The following CNOT6L variants were observed in gnomAD, a reference collection of about 807,000 sequenced individuals.
The protein encoded by CNOT6L is CCR4-NOT transcription complex subunit 6-like.
Under a neutral mutation model 64.0 loss-of-function variants are expected in CNOT6L, and 7 were observed. The ratio of observed to expected loss-of-function variants is 0.11; its 90% CI spans 0.06 to 0.21. The LOEUF is 0.21. Ranked by LOEUF, CNOT6L falls within the 10% of genes least tolerant of loss-of-function variation. The probability of loss-of-function intolerance (pLI) is 1.00; values close to 1 mark genes in which losing one functional copy is unlikely to be tolerated. For synonymous variants in CNOT6L, 193 were observed against 243.4 expected (o/e 0.79, Z 1.93); for missense variants, 245 against 669.0 (o/e 0.37, Z 6.99).
At chr4:77,776,535 A>G in intron 1 of CNOT6L, 143 bp from the exon 2 acceptor site, 2 of 613,226 alleles carry the variant, frequency 3.3e-6, no homozygotes, top group Non-Finnish European at 5.5e-6. Flanking sequence ...TTGCAGAAAA[A>G]GAAAACACAC....
intron 4 of CNOT6L, among the ~76,000 whole-genome samples, chr4:77,767,174 T>C (rs1193894095): frequency 6.8e-6 from 1 of 147,660 alleles, no homozygotes; most frequent in Non-Finnish European, 1.5e-5. Context: ...TTGATTGGTG[T>C]AGAAAGCTAT....
chr4:77,787,982 G>A (rs1729642799), intron 1 of CNOT6L, among the ~76,000 whole-genome samples: 1 of 152,160 alleles, frequency 6.6e-6, no homozygotes, highest in Non-Finnish European at 1.5e-5. Context: ...TTTAAAGTTT[G>A]AAAACCCTCA....
At chr4:77,810,133 G>A (rs1440754483) in intron 1 of CNOT6L, among the ~76,000 whole-genome samples, 3 of 152,080 alleles carry the variant, frequency 2.0e-5, no homozygotes, top group East Asian at 3.9e-4. Context: ...CTGTTAACAG[G>A]AATATTCTTA....
intron 10 of CNOT6L, among the ~76,000 whole-genome samples, chr4:77,728,461 T>C (rs1722115151): frequency 6.6e-6 from 1 of 152,174 alleles, no homozygotes; most frequent in Non-Finnish European, 1.5e-5. Flanking sequence ...CTGGCTCCCT[T>C]CTTTTTGGTT....
At chr4:77,730,983 G>A (rs545687933) in intron 9 of CNOT6L, among the ~76,000 whole-genome samples, 65 of 152,006 alleles carry the variant, frequency 4.3e-4, no homozygotes, top group Non-Finnish European at 8.2e-4. Context: ...ATATAACAAA[G>A]AAACTAGAGG....
intron 5 of CNOT6L, among the ~76,000 whole-genome samples, chr4:77,750,150 A>G (rs1187903578): frequency 6.6e-6 from 1 of 152,234 alleles, no homozygotes; most frequent in Non-Finnish European, 1.5e-5. Flanking sequence ...ACTAAAAGTT[A>G]TAGTATAAAA....
At chr4:77,793,508 G>T (rs1163166371) in intron 1 of CNOT6L, among the ~76,000 whole-genome samples, 3 of 152,108 alleles carry the variant, frequency 2.0e-5, no homozygotes, top group African/African-American at 7.2e-5. Flanking sequence ...TGGCACAGTG[G>T]GATTTAACCC....
chr4:77,796,590 ACTT>A (rs1183365336), intron 1 of CNOT6L, among the ~76,000 whole-genome samples: 1 of 151,970 alleles, frequency 6.6e-6, no homozygotes, highest in Non-Finnish European at 1.5e-5. Context: ...AGTCAATTAA[ACTT>A]CTTTTCTTCA....
intron 1 of CNOT6L, among the ~76,000 whole-genome samples, chr4:77,790,418 TA>T (rs1729992286): frequency 6.6e-6 from 1 of 152,236 alleles, no homozygotes; most frequent in Non-Finnish European, 1.5e-5. Flanking sequence ...TTCATTTGGG[TA>T]AATACCAAAA....
At chr4:77,749,731 C>T (rs987156807) in intron 5 of CNOT6L, among the ~76,000 whole-genome samples, 1 of 152,174 alleles carries the variant, frequency 6.6e-6, no homozygotes, top group African/African-American at 2.4e-5. Flanking sequence ...CCCAAGTTCA[C>T]GCAAAATTTT....
chr4:77,740,373 G>A (rs1723447819), intron 8 of CNOT6L, among the ~76,000 whole-genome samples: 1 of 151,938 alleles, frequency 6.6e-6, no homozygotes, highest in Non-Finnish European at 1.5e-5. Flanking sequence ...CTGAGACCCT[G>A]TCTAAAAACA....
chr4:77,798,577 T>G (rs1030272963), intron 1 of CNOT6L, among the ~76,000 whole-genome samples: 4 of 152,188 alleles, frequency 2.6e-5, no homozygotes, highest in Non-Finnish European at 2.9e-5. Flanking sequence ...CTTTGGCCTA[T>G]TAGAATGGCT....
intron 8 of CNOT6L, among the ~76,000 whole-genome samples, chr4:77,736,556 C>T (rs570452418): frequency 7.9e-5 from 12 of 152,188 alleles, no homozygotes; most frequent in Non-Finnish European, 1.6e-4. Context: ...CACAGATTTC[C>T]ATACAGGTAA....
intron 4 of CNOT6L, among the ~76,000 whole-genome samples, chr4:77,766,204 GTGTA>G (rs1726797304): frequency 6.6e-6 from 1 of 152,068 alleles, no homozygotes; most frequent in Non-Finnish European, 1.5e-5. Flanking sequence ...AAAAAAGTGT[GTGTA>G]TGTATATGTA....
rs1287914948 is a variant in CNOT6L at position 77,720,570 on chromosome 4, T to G, written c.1529A>C (p.Gln510Pro). 13 of 1,603,984 alleles carry G rather than the reference T, an allele frequency of 8.1e-6. No homozygotes were observed. The highest frequency in any genetic ancestry group is 1.1e-5 in the Non-Finnish European group (13 of 1,170,612). Residue 510 changes from glutamine to proline, a missense_variant, in exon 12 of 12, where the codon CAA becomes CCA. Gln to Pro is a moderately conservative substitution (Grantham distance 76, BLOSUM62 -1). Transcript: ENST00000504123. ...VLGVLGPLDP[Q>P]WLVENNITGC... The stretch of plus-strand genomic sequence containing the variant: ...AGTGATGTTGTTCTCAACCAGCCAT[T>G]GAGGATCTAAAGGCCCCAGGACACC...
At chr4:77,804,802 G>A (rs1374679351) in intron 1 of CNOT6L, among the ~76,000 whole-genome samples, 1 of 151,754 alleles carries the variant, frequency 6.6e-6, no homozygotes, top group Non-Finnish European at 1.5e-5. Flanking sequence ...AAAGCATGAG[G>A]TGTATTTATT....
rs76320365 is a variant in CNOT6L at position 77,764,681 on chromosome 4, G to A, written c.401-7730C>T. Among the ~76,000 whole-genome samples the A allele has an allele frequency of 6.0e-3, 914 of 152,146 alleles. 11 individuals carry two copies. Among genetic ancestry groups the A allele is most frequent in the African/African-American group, 0.02 (834 of 41,500 alleles). On this transcript the variant is annotated intron_variant, in intron 4 of 11. Transcript: ENST00000504123. ...AAATCATCTGCGCACAACAGCAATC[G>A]GCCAACTTTAGGTATCACCTTTTGT...
In CNOT6L at chr4:77,779,064, AAAAAAAAAAC is replaced by A. The variant is rs1190871406; in HGVS notation, c.6-2682_6-2673del. On this transcript the variant is annotated intron_variant, in intron 1 of 11. Coordinates refer to ENST00000504123, the MANE Select transcript of CNOT6L (RefSeq NM_144571.3). ...TCTGTCTCAAAAAAAAAAAAAAAAC[AAAAAAAAAAC>A]ACAAAAAACACACAGGCATAGGATT... Among the ~76,000 whole-genome samples, 86 of 79,232 alleles carry A rather than the reference AAAAAAAAAAC, an allele frequency of 1.1e-3. 9 individuals are homozygous for A. In the East Asian group the frequency reaches 0.022, roughly 20 times the overall value. The allele number at this position is 79,232 out of a possible 152,430, so 52.0% of individuals were successfully genotyped here. A position where few individuals can be genotyped will look rare whatever the true frequency, so the allele number is the denominator to read the frequency against.
Position 77,774,896 on chromosome 4 carries a change from G to A in CNOT6L, c.128-180C>T, listed in dbSNP as rs1037610704. On this transcript the variant is annotated intron_variant, in intron 2 of 11. Transcript: ENST00000504123. ...CCAAACACACCTGGCCCTCCTTTAC[G>A]TTCATGCCACTTTCACCTGACAACC... Among the ~76,000 whole-genome samples the A allele has an allele frequency of 7.2e-5, 11 of 152,080 alleles. No homozygotes were observed. In the East Asian group the frequency reaches 2.1e-3, roughly 29 times the overall value.
Sources: gnomAD v4.1 joint callset for allele counts (sites outside exome capture counted in the v4.1 genomes callset) on GRCh38, gnomAD v4.1.1 for gene constraint, MANE v1.5 for transcripts, NCBI Gene and HGNC (gene_info 2026-07-23, HGNC 2026-07-21) for gene names.